ZC4H2: variants seen among roughly 807,000 people sequenced by gnomAD.
ZC4H2 encodes the protein zinc finger C4H2 domain-containing protein.
For missense variants in ZC4H2, 137 were observed against 173.9 expected (o/e 0.79, Z 1.19); for synonymous variants, 84 against 66.3 (o/e 1.27, Z -1.30).
intron 1 of ZC4H2, among the ~76,000 whole-genome samples, chrX:64,969,265 C>A (rs1015987752): frequency 9.0e-6 from 1 of 111,478 alleles, no homozygotes; most frequent in Non-Finnish European, 1.9e-5. Context: ...TTCTTTCTGG[C>A]AAATATGGAA....
At chrX:65,033,135 A>G (rs772325730) in intron 1 of ZC4H2, among the ~76,000 whole-genome samples, 57 of 112,129 alleles carry the variant, frequency 5.1e-4, no homozygotes, top group Non-Finnish European at 8.6e-4. Flanking sequence ...TACACATGGC[A>G]TAGCTATTTT....
chrX:64,998,027 A>G (rs1305741379), intron 1 of ZC4H2, among the ~76,000 whole-genome samples: 3 of 112,111 alleles, frequency 2.7e-5, no homozygotes, highest in Non-Finnish European at 5.6e-5. Flanking sequence ...AAAATATCTA[A>G]AAGTATAAAC....
At chrX:65,033,667 T>G (rs913361548) in intron 1 of ZC4H2, among the ~76,000 whole-genome samples, 5 of 112,255 alleles carry the variant, frequency 4.5e-5, no homozygotes, top group African/African-American at 1.6e-4. Context: ...GCGCTTACTC[T>G]GAGCCACAGT....
At chrX:64,998,845 A>G (rs1932467954) in intron 1 of ZC4H2, among the ~76,000 whole-genome samples, 2 of 110,052 alleles carry the variant, frequency 1.8e-5, no homozygotes, top group African/African-American at 6.6e-5. Flanking sequence ...TGCTTTATTA[A>G]TATATACTAT....
In ZC4H2 at chrX:64,997,914, C is replaced by T. The variant is rs770548599; in HGVS notation, c.-272+36715G>A. 3.1e-4 allele frequency among the ~76,000 whole-genome samples: 35 copies of T among 111,959 alleles called. 1 individual carries two copies. The South Asian group carries it at 0.01, about 32-fold the overall frequency. On this transcript the variant is annotated intron_variant, in intron 1 of 4. Transcript: ENST00000337990. The stretch of plus-strand genomic sequence containing the variant: ...ATTATAGGTGTGAGCAACCACGCCT[C>T]GCCAAGTAGCATTTTTTGTAGGCTA...
intron 1 of ZC4H2, among the ~76,000 whole-genome samples, chrX:64,970,624 T>A (rs969386580): frequency 4.5e-5 from 5 of 111,099 alleles, no homozygotes; most frequent in African/African-American, 1.6e-4. Flanking sequence ...GTGGAGTCTG[T>A]GGTTGGGGTA....
intron 1 of ZC4H2, among the ~76,000 whole-genome samples, chrX:64,988,705 G>A (rs776106461): frequency 1.1e-3 from 124 of 110,636 alleles, no homozygotes; most frequent in African/African-American, 3.9e-3. Context: ...TTCTTTTGCT[G>A]TGCAGAAGCT....
At chrX:64,922,163 C>A (rs867788989) in intron 1 of ZC4H2, 175 bp from the exon 2 acceptor site, 3 of 1,039,357 alleles carry the variant, frequency 2.9e-6, no homozygotes, top group African/African-American at 2.0e-5. Flanking sequence ...GTAATCTCAG[C>A]AATTTGGAAG....
chrX:64,924,045 A>G (rs776225798), intron 1 of ZC4H2, among the ~76,000 whole-genome samples: 40 of 111,957 alleles, frequency 3.6e-4, no homozygotes, highest in Non-Finnish European at 7.0e-4. Flanking sequence ...TTTCTAGGTT[A>G]CGTGAAGATA....
At chrX:65,018,230 G>C (rs1442939617) in intron 1 of ZC4H2, among the ~76,000 whole-genome samples, 1 of 112,453 alleles carries the variant, frequency 8.9e-6, no homozygotes, top group Non-Finnish European at 1.9e-5. Context: ...ATGTTCATTG[G>C]TTGCCAGCAA....
chrX:65,025,384 C>G (rs951362492), intron 1 of ZC4H2, among the ~76,000 whole-genome samples: 12 of 110,491 alleles, frequency 1.1e-4, no homozygotes, highest in African/African-American at 4.0e-4. Flanking sequence ...TAGTTCTGTG[C>G]TGCTACTATT....
chrX:64,945,007 T>C (rs2147379856), intron 1 of ZC4H2, among the ~76,000 whole-genome samples: 1 of 112,625 alleles, frequency 8.9e-6, no homozygotes, highest in South Asian at 3.7e-4. Flanking sequence ...TTAGCTTCCT[T>C]GCATTGGGTT....
rs1928969908 is a variant in ZC4H2, at chrX:64,917,129, T to C, written c.*654A>G. Reference sequence around the variant, plus strand: ...AGACTAGATATTGGGGAAAGGTTCATTGATCTTAAGATCCCAAGACACACA... The same window carrying C: ...AGACTAGATATTGGGGAAAGGTTCACTGATCTTAAGATCCCAAGACACACA... On this transcript the variant is annotated 3_prime_UTR_variant, in exon 5 of 5. Transcript: ENST00000374839. The C allele has an allele frequency of 8.9e-6, 1 of 112,086 alleles. No individual in the cohort carries two copies. The highest frequency in any genetic ancestry group is 9.5e-5 in the Admixed American group (1 of 10,518). 9.2% of individuals were successfully genotyped at this position (112,086 alleles called of 1,213,427 possible).
At chrX:64,964,318 A>G (rs1160672600) in intron 1 of ZC4H2, among the ~76,000 whole-genome samples, 1 of 111,271 alleles carries the variant, frequency 9.0e-6, no homozygotes, top group Non-Finnish European at 1.9e-5. Flanking sequence ...ATGGCCAAAA[A>G]TCTTTCAAAT....
chrX:65,015,725 C>T (rs1285046385), intron 1 of ZC4H2, among the ~76,000 whole-genome samples: 2 of 112,083 alleles, frequency 1.8e-5, no homozygotes, highest in Non-Finnish European at 3.8e-5. Context: ...GGACCTCAAC[C>T]CTTCACTAGT....
chrX:65,006,342 A>T (rs1386326799), intron 1 of ZC4H2, among the ~76,000 whole-genome samples: 3 of 111,900 alleles, frequency 2.7e-5, no homozygotes, highest in Non-Finnish European at 3.8e-5. Context: ...GGATTAAGAA[A>T]ATGTGGCACA....
At chrX:65,004,531 T>C in intron 1 of ZC4H2, among the ~76,000 whole-genome samples, 1 of 112,009 alleles carries the variant, frequency 8.9e-6, no homozygotes, top group East Asian at 2.8e-4. Flanking sequence ...AAATTCAACA[T>C]GGCTTCATGC....
chrX:64,974,865 G>C (rs1931892107), intron 1 of ZC4H2, among the ~76,000 whole-genome samples: 1 of 106,982 alleles, frequency 9.3e-6, no homozygotes, highest in African/African-American at 3.4e-5. Context: ...TGGAAGTCTA[G>C]GCTCTCCATT....
At chrX:64,990,745 T>G (rs1426162661) in intron 1 of ZC4H2, among the ~76,000 whole-genome samples, 1 of 111,407 alleles carries the variant, frequency 9.0e-6, no homozygotes, top group African/African-American at 3.3e-5. Flanking sequence ...GACCCAGCCC[T>G]CAGTGAATTA....
Sources: gnomAD v4.1 joint callset for allele counts (sites outside exome capture counted in the v4.1 genomes callset) on GRCh38, gnomAD v4.1.1 for gene constraint, MANE v1.5 for transcripts, NCBI Gene and HGNC (gene_info 2026-07-23, HGNC 2026-07-21) for gene names.